DCLK3: variants seen among roughly 807,000 people sequenced by gnomAD.
DCLK3 encodes the protein serine/threonine-protein kinase DCLK3.
Under a neutral mutation model 46.4 loss-of-function variants are expected in DCLK3, and 30 were observed. That is an observed-to-expected ratio of 0.65 (90% confidence interval 0.48 to 0.88). DCLK3 has a LOEUF of 0.88. DCLK3 is among the 40% of genes least tolerant of loss of function. The pLI is 0.00. For missense variants in DCLK3, 846 were observed against 907.1 expected, an observed-to-expected ratio of 0.93 and a Z score of 0.87; for synonymous variants, 401 against 339.2, an observed-to-expected ratio of 1.18 and a Z score of -2.00.
intron 3 of DCLK3, among the ~76,000 whole-genome samples, chr3:36,719,728 T>A (rs1403823650): frequency 6.6e-6 from 1 of 152,210 alleles, no homozygotes; most frequent in East Asian, 1.9e-4. Flanking sequence ...CCTTGCCAAG[T>A]GGACAACTCC....
chr3:36,718,837 C>A (rs1701021294), intron 3 of DCLK3, among the ~76,000 whole-genome samples: 1 of 152,176 alleles, frequency 6.6e-6, no homozygotes, highest in Non-Finnish European at 1.5e-5. Context: ...AACACACACA[C>A]ACACGCGCAC....
At chr3:36,717,230 C>T (rs62245173) in intron 4 of DCLK3, among the ~76,000 whole-genome samples, 26,439 of 152,112 alleles carry the variant, frequency 0.17, 3,288 homozygotes, top group East Asian at 0.51. Flanking sequence ...GTCCTCCTGC[C>T]TCAGCCTCCA....
At chr3:36,717,018 T>C (rs1200056565) in intron 4 of DCLK3, among the ~76,000 whole-genome samples, 2 of 152,124 alleles carry the variant, frequency 1.3e-5, no homozygotes, top group Non-Finnish European at 2.9e-5. Flanking sequence ...CCAATCCCAG[T>C]GAGGAAATAG....
At chr3:36,760,598 C>T (rs1701530757) in intron 1 of DCLK3, among the ~76,000 whole-genome samples, 1 of 151,882 alleles carries the variant, frequency 6.6e-6, no homozygotes, top group Non-Finnish European at 1.5e-5. Flanking sequence ...GCATGTTGTG[C>T]ACATGTACCC....
rs199730406 is a variant in DCLK3 at position 36,720,495 on chromosome 3, TCTC to T, written c.2092+1029_2092+1031del. Among the ~76,000 whole-genome samples, 731 of 142,922 alleles carry T rather than the reference TCTC, an allele frequency of 5.1e-3. 9 individuals carry two copies. Among genetic ancestry groups the T allele is most frequent in the African/African-American group, 0.018 (697 of 39,082 alleles). The allele number at this position is 142,922 out of a possible 152,430, so 93.8% of individuals were successfully genotyped here. ...ACACCTGACCTCATGCATGTTGTCA[TCTC>T]CTCATCTTTTTTTTTTTTTTTTTGA... On this transcript the variant is annotated intron_variant, in intron 3 of 4. Transcript: ENST00000636136.
At chr3:36,722,837 G>A (rs990818927) in intron 2 of DCLK3, among the ~76,000 whole-genome samples, 1 of 152,126 alleles carries the variant, frequency 6.6e-6, no homozygotes, top group African/African-American at 2.4e-5. Context: ...CCTGGTCTCA[G>A]GTATGTCTTT....
At chr3:36,761,366 G>A (rs188531323) in intron 1 of DCLK3, among the ~76,000 whole-genome samples, 2 of 152,300 alleles carry the variant, frequency 1.3e-5, no homozygotes, top group East Asian at 3.9e-4. Flanking sequence ...GAAGTTCAGT[G>A]ACTTGCCCCA....
intron 1 of DCLK3, among the ~76,000 whole-genome samples, chr3:36,763,283 T>C (rs1024891927): frequency 3.3e-5 from 5 of 152,146 alleles, no homozygotes; most frequent in African/African-American, 7.2e-5. Context: ...ACTGTTAGGA[T>C]TGAATAACAA....
Position 36,738,108 on chromosome 3 carries a change from C to T in DCLK3, c.1059G>A (p.Arg353=), listed in dbSNP as rs757066388. 15 of 1,613,900 alleles carry T rather than the reference C, an allele frequency of 9.3e-6. No individual in the cohort carries two copies. The South Asian group carries it at 1.4e-4, about 15-fold the overall frequency. The change falls in exon 2 of 5, where the codon AGG becomes AGA. Residue 353 remains arginine, a synonymous_variant. Coordinates refer to ENST00000636136, the MANE Select transcript of DCLK3 (RefSeq NM_001394672.2). ...TTGCAGGATTTGCCTCGGGAGACCT[C>T]CTGCAGCTTCTGGTCCTCACCAGCT... ...VEKLVRTRSC[R]RSPEANPASG...
intron 1 of DCLK3, among the ~76,000 whole-genome samples, chr3:36,752,792 G>A (rs1264225599): frequency 6.6e-6 from 1 of 152,140 alleles, no homozygotes; most frequent in Non-Finnish European, 1.5e-5. Flanking sequence ...GCTTTAACCT[G>A]TTTCCCCAAC....
chr3:36,736,909 A>G (rs1559390522), intron 2 of DCLK3, among the ~76,000 whole-genome samples: 1 of 152,226 alleles, frequency 6.6e-6, no homozygotes, highest in South Asian at 2.1e-4. Flanking sequence ...CCTAAGTGCC[A>G]AGAAATTAAG....
intron 1 of DCLK3, among the ~76,000 whole-genome samples, chr3:36,743,476 G>A (rs1701367192): frequency 6.6e-6 from 1 of 152,032 alleles, no homozygotes; most frequent in Non-Finnish European, 1.5e-5. Context: ...AATTAAACAT[G>A]CTAATTCTGT....
At chr3:36,745,229 G>C (rs1701383448) in intron 1 of DCLK3, among the ~76,000 whole-genome samples, 1 of 152,130 alleles carries the variant, frequency 6.6e-6, no homozygotes, top group African/African-American at 2.4e-5. Flanking sequence ...CACAATTAAA[G>C]AGATTTTACC....
At chr3:36,756,902 A>C (rs929481891) in intron 1 of DCLK3, among the ~76,000 whole-genome samples, 2 of 151,346 alleles carry the variant, frequency 1.3e-5, no homozygotes, top group African/African-American at 4.9e-5. Context: ...AGATAGACTC[A>C]GAGGCCCTCC....
chr3:36,758,179 G>C (rs1701505105), intron 1 of DCLK3, among the ~76,000 whole-genome samples: 1 of 152,136 alleles, frequency 6.6e-6, no homozygotes, highest in Non-Finnish European at 1.5e-5. Flanking sequence ...GAGGGTCCAT[G>C]AGTTCTCAAA....
intron 2 of DCLK3, among the ~76,000 whole-genome samples, chr3:36,728,534 C>T (rs1204920173): frequency 6.6e-6 from 1 of 152,156 alleles, no homozygotes. Flanking sequence ...CTGTCTCTCT[C>T]TCTCTGCACT....
intron 3 of DCLK3, among the ~76,000 whole-genome samples, chr3:36,720,610 T>A (rs945260858): frequency 6.6e-6 from 1 of 150,734 alleles, no homozygotes; most frequent in Non-Finnish European, 1.5e-5. Flanking sequence ...GTTCAAGCAA[T>A]TCTCCTGCCT....
In DCLK3 at chr3:36,738,789, T is replaced by C; in HGVS notation, c.378A>G (p.Leu126=). 8.5e-7 allele frequency: 1 copy of C among 1,173,456 alleles called. No homozygotes were observed. The highest frequency in any genetic ancestry group is 1.6e-5 in the African/African-American group (1 of 63,992). 72.7% of individuals were successfully genotyped at this position (1,173,456 alleles called of 1,614,324 possible). ...AGCCCAAGGCTTCTGAGATGTCAGC[T>C]AAGAGCTGCTCGAACGTCTGCACTG... ...RRSVQTFEQL[L]ADISEALGSP... is the part of the protein sequence containing the mutation. The change falls in exon 2 of 5, where the codon TTA becomes TTG. Residue 126 remains leucine, a synonymous_variant. Coordinates refer to ENST00000636136, the MANE Select transcript of DCLK3 (RefSeq NM_001394672.2).
At chr3:36,728,577 T>C (rs1377762538) in intron 2 of DCLK3, among the ~76,000 whole-genome samples, 2 of 152,128 alleles carry the variant, frequency 1.3e-5, no homozygotes, top group Non-Finnish European at 2.9e-5. Context: ...ACATCAGAAC[T>C]GCAGGCTTTC....
Sources: gnomAD v4.1 joint callset for allele counts (sites outside exome capture counted in the v4.1 genomes callset) on GRCh38, gnomAD v4.1.1 for gene constraint, MANE v1.5 for transcripts, NCBI Gene and HGNC (gene_info 2026-07-23, HGNC 2026-07-21) for gene names.